Variants in TASP1 observed in about 807,000 individuals in gnomAD.
TASP1 encodes threonine aspartase 1.
In TASP1, 16 loss-of-function variants were observed where a neutral mutation model predicts 56.6. The ratio of observed to expected loss-of-function variants is 0.28; its 90% CI spans 0.19 to 0.43. The LOEUF (loss-of-function observed/expected upper bound fraction) is 0.43. TASP1 is among the 20% of genes least tolerant of loss of function. TASP1 has a pLI of 1.00. For missense variants in TASP1, 393 were observed against 511.6 expected (o/e 0.77, Z 2.24); for synonymous variants, 179 against 184.2 (o/e 0.97, Z 0.23).
chr20:13,359,867 C>A, the TASP1 span, among the ~76,000 whole-genome samples: 1 of 151,804 alleles, frequency 6.6e-6, no homozygotes, highest in Admixed American at 6.6e-5. Flanking sequence ...GTATAAGATA[C>A]CTCTACTCCC....
At chr20:13,224,624 A>C in the TASP1 span, among the ~76,000 whole-genome samples, 1 of 152,166 alleles carries the variant, frequency 6.6e-6, no homozygotes, top group Non-Finnish European at 1.5e-5. Context: ...CTAAAATATA[A>C]GGTTGTCTTA....
the TASP1 span, among the ~76,000 whole-genome samples, chr20:13,110,964 G>C: frequency 1.3e-5 from 2 of 152,042 alleles, no homozygotes; most frequent in Non-Finnish European, 2.9e-5. Flanking sequence ...GATAGACATA[G>C]GATTTCTTTC....
intron 10 of TASP1, among the ~76,000 whole-genome samples, chr20:13,501,445 A>T (rs917719902): frequency 2.0e-5 from 3 of 152,094 alleles, no homozygotes; most frequent in African/African-American, 7.2e-5. Context: ...GATGGGAAAG[A>T]AATAATGAAC....
intron 7 of TASP1, among the ~76,000 whole-genome samples, chr20:13,567,911 AG>A (rs769112837): frequency 2.0e-5 from 3 of 152,188 alleles, no homozygotes; most frequent in Admixed American, 2.0e-4. Context: ...CGAGACTGGA[AG>A]GGGCCAGGTG....
the TASP1 span, among the ~76,000 whole-genome samples, chr20:13,378,943 C>T: frequency 3.2e-3 from 485 of 152,262 alleles, 1 homozygote; most frequent in East Asian, 0.01. Flanking sequence ...ATTCCTCCAT[C>T]CCTTTATTTT....
intron 4 of TASP1, 74 bp downstream of exon 4, chr20:13,623,371 CA>C: frequency 7.7e-7 from 1 of 1,299,618 alleles, no homozygotes; most frequent in South Asian, 1.3e-5. Context: ...TTGACTAACT[CA>C]ACAATTTCAT....
At position 13,634,889 on chromosome 20, in the gene TASP1, G is replaced by T. The variant is rs1251087520; in HGVS notation, c.-75+4005C>A. ...ACTAAAAATACAAAAATAGCTAGGCGTGGTGGCGCATGCCTGTAATCCCAG... is the reference window on the plus strand; with the variant it reads ...ACTAAAAATACAAAAATAGCTAGGCTTGGTGGCGCATGCCTGTAATCCCAG... On this transcript the variant is annotated intron_variant, in intron 1 of 13. Transcript: ENST00000337743. Among the ~76,000 whole-genome samples, 7 of 151,848 alleles carry T rather than the reference G, an allele frequency of 4.6e-5. No individual in the cohort carries two copies. The South Asian group carries it at 6.3e-4, about 14-fold the overall frequency.
chr20:13,551,268 A>G (rs2045973645), intron 8 of TASP1, among the ~76,000 whole-genome samples: 6 of 152,184 alleles, frequency 3.9e-5, no homozygotes. Context: ...ACAATGGAAA[A>G]TGTCTGATTA....
intron 11 of TASP1, among the ~76,000 whole-genome samples, chr20:13,481,315 C>T (rs1004152850): frequency 4.6e-5 from 7 of 152,048 alleles, no homozygotes; most frequent in African/African-American, 1.7e-4. Flanking sequence ...TTTCTTTATT[C>T]ATTCATCTGC....
chr20:13,570,607 T>C (rs1300632454), intron 6 of TASP1, among the ~76,000 whole-genome samples: 1 of 152,120 alleles, frequency 6.6e-6, no homozygotes, highest in Non-Finnish European at 1.5e-5. Context: ...AACTGCTTTC[T>C]AATATACATA....
At chr20:13,511,005 G>C (rs929751688) in intron 10 of TASP1, among the ~76,000 whole-genome samples, 1 of 151,966 alleles carries the variant, frequency 6.6e-6, no homozygotes, top group Non-Finnish European at 1.5e-5. Context: ...CCCACCCACA[G>C]TCATGTACAT....
intron 4 of TASP1, among the ~76,000 whole-genome samples, chr20:13,618,526 AGTCACCT>A (rs2048602529): frequency 5.9e-5 from 9 of 152,306 alleles, no homozygotes; most frequent in Non-Finnish European, 1.2e-4. Flanking sequence ...CCAAAATATC[AGTCACCT>A]GAATAAGTTA....
At chr20:13,106,931 G>C in the TASP1 span, among the ~76,000 whole-genome samples, 1 of 152,198 alleles carries the variant, frequency 6.6e-6, no homozygotes, top group African/African-American at 2.4e-5. Context: ...GCAGGGAAAC[G>C]TTCTCCACTG....
At chr20:13,532,629 C>T (rs2045263901) in intron 9 of TASP1, among the ~76,000 whole-genome samples, 1 of 152,136 alleles carries the variant, frequency 6.6e-6, no homozygotes, top group African/African-American at 2.4e-5. Context: ...CAGGACAGTT[C>T]TAAGTGCAGT....
At chr20:13,187,162 A>G in the TASP1 span, among the ~76,000 whole-genome samples, 1 of 152,194 alleles carries the variant, frequency 6.6e-6, no homozygotes, top group Non-Finnish European at 1.5e-5. Flanking sequence ...ATAAGTTAAC[A>G]GAAACTTCCC....
the TASP1 span, among the ~76,000 whole-genome samples, chr20:13,349,693 T>C: frequency 3.5e-4 from 53 of 152,222 alleles, 1 homozygote; most frequent in Non-Finnish European, 4.4e-5. Flanking sequence ...TATAACATGA[T>C]AGTCTATGTA....
intron 11 of TASP1, among the ~76,000 whole-genome samples, chr20:13,473,625 CTTAAA>C (rs1358574635): frequency 6.6e-6 from 1 of 152,138 alleles, no homozygotes; most frequent in Non-Finnish European, 1.5e-5. Context: ...CTGTCTACCT[CTTAAA>C]TTAGATAACT....
intron 1 of TASP1, among the ~76,000 whole-genome samples, chr20:13,638,381 T>G (rs979520954): frequency 5.9e-5 from 9 of 151,602 alleles, no homozygotes; most frequent in Non-Finnish European, 8.8e-5. Flanking sequence ...CCTCTCCAGC[T>G]GCTCCATCTT....
At chr20:13,469,345 C>G (rs1013893675) in intron 11 of TASP1, among the ~76,000 whole-genome samples, 2 of 152,096 alleles carry the variant, frequency 1.3e-5, no homozygotes, top group Non-Finnish European at 2.9e-5. Flanking sequence ...CTTCCAGGCT[C>G]TAGAAGGCTT....
Sources: gnomAD v4.1 joint callset for allele counts (sites outside exome capture counted in the v4.1 genomes callset) on GRCh38, gnomAD v4.1.1 for gene constraint, MANE v1.5 for transcripts, NCBI Gene and HGNC (gene_info 2026-07-23, HGNC 2026-07-21) for gene names.